The following NSUN7 variants were observed in gnomAD, a reference collection of about 807,000 sequenced individuals.
NSUN7 encodes protein NSUN7.
A neutral mutation model predicts 58.5 loss-of-function variants in NSUN7; 39 were observed. The observed-to-expected ratio is 0.67, with a 90% CI of 0.52 to 0.87. The LOEUF (loss-of-function observed/expected upper bound fraction) is 0.87, where lower values mean the gene tolerates loss of function less well. Ranked by LOEUF, NSUN7 falls within the 40% of genes least tolerant of loss-of-function variation. NSUN7 has a pLI of 0.00. For missense variants in NSUN7, 765 were observed against 844.1 expected (o/e 0.91, Z 1.16); for synonymous variants, 278 against 303.7 (o/e 0.92, Z 0.88).
intron 10 of NSUN7, among the ~76,000 whole-genome samples, chr4:40,804,407 C>A (rs1246794623): frequency 6.6e-6 from 1 of 151,564 alleles, no homozygotes; most frequent in Non-Finnish European, 1.5e-5. Flanking sequence ...CCATTGCACT[C>A]CAGCCTGGGT....
rs145306244 is a variant in NSUN7 at position 40,753,695 on chromosome 4, G to A, written c.298+2704G>A. Among the ~76,000 whole-genome samples the A allele has an allele frequency of 2.5e-3, 382 of 152,180 alleles. 3 individuals carry two copies. Among genetic ancestry groups the A allele is most frequent in the African/African-American group, 8.5e-3 (353 of 41,530 alleles). ...AATATATTTTTTCTTATAATAATACGTTGATATGGTTTGGCTGTGTCCCCA... is the reference window on the plus strand; with the variant it reads ...AATATATTTTTTCTTATAATAATACATTGATATGGTTTGGCTGTGTCCCCA... On this transcript the variant is annotated intron_variant, in intron 2 of 11. Transcript: ENST00000381782.
At position 40,790,744 on chromosome 4, in the gene NSUN7, A is replaced by G. The variant is rs1375661170; in HGVS notation, c.1179A>G (p.Glu393=). 3.2e-6 allele frequency: 5 copies of G among 1,569,950 alleles called. No homozygotes were observed. Among genetic ancestry groups the G allele is most frequent in the Non-Finnish European group, 4.3e-6 (5 of 1,163,210 alleles). The change falls in exon 8 of 12, where the codon GAA becomes GAG. Residue 393 remains glutamate (E), a splice_region_variant and synonymous_variant. Transcript: ENST00000381782. ...TAGAATTTATTTTAAATGAACATGA[A>G]GGTACTTGTTTTAATTTCTAAATTA... is the stretch of plus-strand genomic sequence containing the variant. ...NPVEFILNEH[E]DTEFLKDHSQ...
chr4:40,807,969 G>C (rs983720654), intron 11 of NSUN7, among the ~76,000 whole-genome samples: 2 of 149,400 alleles, frequency 1.3e-5, no homozygotes, highest in African/African-American at 5.0e-5. Context: ...GAACTTGGGA[G>C]GTGGAGGTTG....
At chr4:40,804,095 G>A (rs192224232) in intron 10 of NSUN7, among the ~76,000 whole-genome samples, 143 of 152,292 alleles carry the variant, frequency 9.4e-4, no homozygotes, top group Non-Finnish European at 3.2e-4. Context: ...CATTCTATCC[G>A]TTGATTTATA....
chr4:40,795,776 A>G (rs1743298679), intron 9 of NSUN7, among the ~76,000 whole-genome samples: 1 of 152,250 alleles, frequency 6.6e-6, no homozygotes, highest in African/African-American at 2.4e-5. Context: ...AAAGATAATT[A>G]CGTAATCTGT....
intron 7 of NSUN7, among the ~76,000 whole-genome samples, chr4:40,781,741 C>G (rs1006327524): frequency 6.6e-6 from 1 of 152,120 alleles, no homozygotes; most frequent in African/African-American, 2.4e-5. Context: ...CCACTGTGCC[C>G]GGTCAGTCTT....
At chr4:40,802,555 C>T (rs2154289350) in intron 10 of NSUN7, among the ~76,000 whole-genome samples, 1 of 152,152 alleles carries the variant, frequency 6.6e-6, no homozygotes, top group South Asian at 2.1e-4. Context: ...GGAGTAAGCC[C>T]AGAAATTTTG....
chr4:40,751,087 A>G, intron 2 of NSUN7, 96 bp downstream of exon 2: 1 of 1,424,278 alleles, frequency 7.0e-7, no homozygotes, highest in Non-Finnish European at 9.6e-7. Context: ...CCTCATTCAC[A>G]CCAGGTTTTG....
At chr4:40,792,753 T>A (rs1027466418) in intron 8 of NSUN7, among the ~76,000 whole-genome samples, 7 of 99,576 alleles carry the variant, frequency 7.0e-5, no homozygotes, top group African/African-American at 1.9e-4. Context: ...CCATCTCATT[T>A]AAAAAAAAAA....
chr4:40,751,115 A>G, intron 2 of NSUN7, 124 bp downstream of exon 2: 1 of 1,016,472 alleles, frequency 9.8e-7, no homozygotes, highest in Non-Finnish European at 1.4e-6. Context: ...GCATGTGCAT[A>G]TCTTTGGTTA....
At chr4:40,805,630 C>T (rs1276527727) in intron 10 of NSUN7, among the ~76,000 whole-genome samples, 1 of 152,132 alleles carries the variant, frequency 6.6e-6, no homozygotes, top group Non-Finnish European at 1.5e-5. Context: ...AAAGAAATTC[C>T]TCCAAACTTG....
intron 4 of NSUN7, among the ~76,000 whole-genome samples, chr4:40,773,985 A>G (rs952260237): frequency 2.6e-5 from 4 of 152,116 alleles, no homozygotes; most frequent in Admixed American, 6.5e-5. Context: ...TTTAGTAGAG[A>G]TGGGGTTTCC....
At position 40,750,718 on chromosome 4, in the gene NSUN7, G is replaced by A. The variant is rs375339469; in HGVS notation, c.25G>A (p.Glu9Lys). 4.7e-5 allele frequency: 76 copies of A among 1,613,684 alleles called. No homozygotes were observed. In the African/African-American group the frequency reaches 9.5e-4, roughly 20 times the overall value. MLNSTGEL[E>K]FSNEEDPEII... Reference sequence around the variant, plus strand: ...CATGCTGAATTCCACGGGCGAACTGGAGTTTTCGAACGAAGAAGATCCCGA... The same window carrying A: ...CATGCTGAATTCCACGGGCGAACTGAAGTTTTCGAACGAAGAAGATCCCGA... The change falls in exon 2 of 12, where the codon GAG becomes AAG. Residue 9 changes from glutamate (E) to lysine (K), a missense_variant. Transcript: ENST00000381782.
chr4:40,794,238 C>T, intron 8 of NSUN7, 137 bp from the exon 9 acceptor site: 1 of 462,368 alleles, frequency 2.2e-6, no homozygotes, highest in South Asian at 4.6e-5. Flanking sequence ...ATTTTAATAT[C>T]TATTTAGTTT....
chr4:40,791,230 C>G (rs980345671), intron 8 of NSUN7, among the ~76,000 whole-genome samples: 1 of 152,136 alleles, frequency 6.6e-6, no homozygotes, highest in Non-Finnish European at 1.5e-5. Flanking sequence ...GTCTTAATCG[C>G]TAGGATGTAT....
At chr4:40,768,422 G>A (rs750759976) in intron 4 of NSUN7, among the ~76,000 whole-genome samples, 4 of 151,884 alleles carry the variant, frequency 2.6e-5, no homozygotes, top group Non-Finnish European at 5.9e-5. Context: ...ACTCCTGACC[G>A]CAGGTGATCC....
intron 2 of NSUN7, among the ~76,000 whole-genome samples, chr4:40,751,455 T>A (rs1268378540): frequency 1.3e-5 from 2 of 152,164 alleles, no homozygotes; most frequent in East Asian, 3.8e-4. Context: ...TCCCTGTGTT[T>A]ACCTTTTTTG....
chr4:40,767,226 A>G lies in NSUN7; in HGVS notation c.488+5925A>G, dbSNP rs1249166183. 4.6e-5 allele frequency among the ~76,000 whole-genome samples: 7 copies of G among 152,294 alleles called. 1 individual carries two copies. Among genetic ancestry groups the G allele is most frequent in the African/African-American group, 1.7e-4 (7 of 41,552 alleles). On this transcript the variant is annotated intron_variant, in intron 4 of 11. Transcript: ENST00000381782. ...CTTTCTCTTGTGGGCATTTAGTGCT[A>G]TAAATTTCCCTCTACACACTGCTTT... is the stretch of plus-strand genomic sequence containing the variant.
intron 9 of NSUN7, among the ~76,000 whole-genome samples, chr4:40,797,110 C>T (rs1743354730): frequency 6.6e-6 from 1 of 152,192 alleles, no homozygotes; most frequent in Non-Finnish European, 1.5e-5. Flanking sequence ...ACACTTCCAT[C>T]ACTTGTCTTC....
Sources: allele counts gnomAD v4.1 joint callset (sites outside exome capture counted in the v4.1 genomes callset), GRCh38; gene constraint gnomAD v4.1.1; transcripts MANE v1.5; gene names NCBI Gene and HGNC (gene_info 2026-07-23, HGNC 2026-07-21).